Variants in ERCC6 observed in about 807,000 individuals in gnomAD.
ERCC6 encodes ERCC excision repair 6, chromatin remodeling factor.
ERCC6 carries 116 observed loss-of-function variants against 158.7 expected under a neutral mutation model. The ratio of observed to expected loss-of-function variants is 0.73; its 90% confidence interval spans 0.63 to 0.85. ERCC6 has a LOEUF of 0.85. ERCC6 is among the 40% of genes least tolerant of loss of function. The pLI, the probability that ERCC6 is intolerant of heterozygous loss-of-function variation, is 0.00. For synonymous variants in ERCC6, 678 were observed against 659.3 expected (o/e 1.03, Z -0.43); for missense variants, 1,698 against 1,799.4 (o/e 0.94, Z 1.02).
At chr10:49,435,331 A>C in the ERCC6 span, among the ~76,000 whole-genome samples, 1 of 152,260 alleles carries the variant, frequency 6.6e-6, no homozygotes, top group Non-Finnish European at 1.5e-5. Context: ...TAGCAAGGAC[A>C]CAGAAAATTT....
At chr10:49,528,612 T>A in intron 3 of ERCC6, 87 bp from the exon 4 acceptor site, 1 of 1,482,294 alleles carries the variant, frequency 6.7e-7, no homozygotes, top group Non-Finnish European at 9.2e-7. Flanking sequence ...ATTTTAAACT[T>A]AAATCCAAAG....
chr10:49,487,681 C>T (rs577278202), intron 8 of ERCC6, among the ~76,000 whole-genome samples: 1 of 152,256 alleles, frequency 6.6e-6, no homozygotes, highest in East Asian at 1.9e-4. Context: ...AAATGAGACA[C>T]CAAGCTTCCC....
At chr10:49,487,370 C>T (rs1196363351) in intron 8 of ERCC6, among the ~76,000 whole-genome samples, 2 of 152,152 alleles carry the variant, frequency 1.3e-5, no homozygotes. Flanking sequence ...TCGACACCTG[C>T]ACAATACCAT....
chr10:49,488,985 C>T (rs1441763870), intron 8 of ERCC6, among the ~76,000 whole-genome samples: 4 of 152,094 alleles, frequency 2.6e-5, no homozygotes, highest in Non-Finnish European at 5.9e-5. Context: ...GGGGTTTCAC[C>T]ATGTGGCCAG....
intron 5 of ERCC6, among the ~76,000 whole-genome samples, chr10:49,522,505 T>G (rs1462486990): frequency 1.3e-5 from 2 of 152,228 alleles, no homozygotes; most frequent in Non-Finnish European, 2.9e-5. Flanking sequence ...TAGCAAAATA[T>G]TGGCTCTGGA....
rs1393030058 is a variant in ERCC6 at position 49,526,107 on chromosome 10, TTATATATTTTTATATATATATA to T, written c.653-1352_653-1331del. Among the ~76,000 whole-genome samples, 753 of 80,522 alleles carry T rather than the reference TTATATATTTTTATATATATATA, an allele frequency of 9.4e-3. 29 individuals carry two copies. Among genetic ancestry groups the T allele is most frequent in the Middle Eastern group, 0.017 (3 of 174 alleles). 52.8% of individuals were successfully genotyped at this position (80,522 alleles called of 152,430 possible). ...TATTTATATTTATATATTTATATAT[TTATATATTTTTATATATATATA>T]TATATATATATATATATATATATAT... is the stretch of plus-strand genomic sequence containing the variant. On this transcript the variant is annotated intron_variant, in intron 4 of 20. Transcript: ENST00000355832.
intron 8 of ERCC6, among the ~76,000 whole-genome samples, chr10:49,484,584 A>T (rs1431882775): frequency 1.4e-4 from 21 of 152,044 alleles, no homozygotes; most frequent in Non-Finnish European, 5.9e-5. Flanking sequence ...TACAAAAAAT[A>T]AAAAAATTAG....
the ERCC6 span, among the ~76,000 whole-genome samples, chr10:49,442,530 G>A: frequency 1.3e-5 from 2 of 152,224 alleles, no homozygotes; most frequent in African/African-American, 4.8e-5. Context: ...CTGGTGATAT[G>A]CATTAGTCAG....
intron 12 of ERCC6, chr10:49,475,620 C>T (rs1160392310): frequency 4.2e-6 from 1 of 236,936 alleles, no homozygotes; most frequent in East Asian, 9.5e-5. Flanking sequence ...TAGCTAGGAA[C>T]TTCTGAATTC....
Position 49,473,024 on chromosome 10 carries a change from G to A in ERCC6, c.2714C>T (p.Thr905Ile), listed in dbSNP as rs74733025. 9.1e-5 allele frequency: 147 copies of A among 1,614,086 alleles called. No individual in the cohort carries two copies. In the East Asian group the frequency reaches 3.2e-3, roughly 35 times the overall value. The change falls in exon 15 of 21, where the codon ACA becomes ATA. Residue 905 changes from threonine (T) to isoleucine (I), a missense_variant. Thr to Ile is a moderately conservative substitution (Grantham distance 89, BLOSUM62 -1). Transcript: ENST00000355832. ...GGTCAGAAGAAACACAAATATGGAT[G>A]TGTCCTAGAGGTAAGACACACAACA... ...QPLITRYNED[T>I]SIFVFLLTTR...
chr10:49,508,816 C>A (rs1426309597), intron 5 of ERCC6, among the ~76,000 whole-genome samples: 2 of 152,078 alleles, frequency 1.3e-5, no homozygotes, highest in Non-Finnish European at 2.9e-5. Flanking sequence ...GACAAGTACA[C>A]CACAACACAC....
At chr10:49,464,499 T>A (rs918199144) in intron 18 of ERCC6, among the ~76,000 whole-genome samples, 3 of 152,208 alleles carry the variant, frequency 2.0e-5, no homozygotes, top group African/African-American at 7.2e-5. Flanking sequence ...TTGCATTACG[T>A]AACGAGGAGC....
intron 16 of ERCC6, among the ~76,000 whole-genome samples, chr10:49,471,915 A>T (rs914422084): frequency 6.6e-6 from 1 of 152,206 alleles, no homozygotes; most frequent in Non-Finnish European, 1.5e-5. Context: ...TTATGGAAAG[A>T]CAGAGGACGA....
intron 4 of ERCC6, among the ~76,000 whole-genome samples, chr10:49,525,494 A>G (rs79893651): frequency 0.015 from 2,243 of 152,296 alleles, 48 homozygotes; most frequent in African/African-American, 0.05. Context: ...ACATTACACC[A>G]TAAGTGTAAA....
intron 18 of ERCC6, among the ~76,000 whole-genome samples, chr10:49,464,308 G>T (rs113671221): frequency 6.6e-6 from 1 of 152,116 alleles, no homozygotes; most frequent in East Asian, 1.9e-4. Flanking sequence ...GATGATTTAG[G>T]GTATCTGGCG....
intron 19 of ERCC6, among the ~76,000 whole-genome samples, 177 bp downstream of exon 19, chr10:49,461,175 G>A (rs1850575198): frequency 6.6e-6 from 1 of 152,212 alleles, no homozygotes; most frequent in Non-Finnish European, 1.5e-5. Flanking sequence ...AAGCAAGGAG[G>A]AAGGCAAAGT....
chr10:49,479,438 C>T (rs1237637602), intron 10 of ERCC6, among the ~76,000 whole-genome samples: 1 of 151,964 alleles, frequency 6.6e-6, no homozygotes, highest in African/African-American at 2.4e-5. Flanking sequence ...AATGCATGTG[C>T]GTAAATATTA....
intron 11 of ERCC6, 121 bp downstream of exon 11, chr10:49,478,233 C>G (rs892297056): frequency 7.3e-6 from 6 of 827,116 alleles, no homozygotes; most frequent in African/African-American, 1.7e-5. Context: ...GCGGGCCTAG[C>G]CTGCCCACAG....
chr10:49,473,469 CAT>C lies in ERCC6; in HGVS notation c.2709+6_2709+7del, dbSNP rs755847436. ...CCACTCAACTTCCCTGTTACATTCA[CAT>C]GTTACCTCATTGTATCTCGTAATCA... is the stretch of plus-strand genomic sequence containing the variant. On this transcript the variant is annotated splice_donor_region_variant and intron_variant, in intron 14 of 20. Coordinates refer to ENST00000355832, the MANE Select transcript of ERCC6 (RefSeq NM_000124.4). 1.7e-5 allele frequency: 26 copies of C among 1,549,830 alleles called. No individual in the cohort carries two copies. Among genetic ancestry groups the C allele is most frequent in the African/African-American group, 6.8e-5 (5 of 73,660 alleles).
Sources: gnomAD v4.1 joint callset for allele counts (sites outside exome capture counted in the v4.1 genomes callset) on GRCh38, gnomAD v4.1.1 for gene constraint, MANE v1.5 for transcripts, NCBI Gene and HGNC (gene_info 2026-07-23, HGNC 2026-07-21) for gene names.